SFMBT1: variants seen among roughly 807,000 people sequenced by gnomAD.
SFMBT1 encodes Scm like with four mbt domains 1, also known as scm-like with four MBT domains protein 1.
SFMBT1 carries 32 observed loss-of-function variants against 108.7 expected under a neutral mutation model. The ratio of observed to expected loss-of-function variants is 0.29; its 90% CI spans 0.22 to 0.40. SFMBT1 has a LOEUF of 0.40. Ranked by LOEUF, SFMBT1 falls within the 10% of genes least tolerant of loss-of-function variation. The pLI, the probability that SFMBT1 is intolerant of heterozygous loss-of-function variation, is 1.00. For missense variants in SFMBT1, 816 were observed against 1,059.6 expected (o/e 0.77, Z 3.19); for synonymous variants, 348 against 369.5 (o/e 0.94, Z 0.67).
rs1559514106 is a variant in SFMBT1 at position 52,928,645 on chromosome 3, TATATATATACACATATATAC to T, written c.898-324_898-305del. 211 of 97,364 alleles carry T rather than the reference TATATATATACACATATATAC, an allele frequency of 2.2e-3. 5 individuals are homozygous for T. The highest frequency in any genetic ancestry group is 8.0e-3 in the African/African-American group (182 of 22,716). The allele number at this position is 97,364 out of a possible 1,614,324, so 6.0% of individuals were successfully genotyped here. A position where few individuals can be genotyped will look rare whatever the true frequency, so the allele number is the denominator to read the frequency against. On this transcript the variant is annotated intron_variant, in intron 8 of 20. Transcript: ENST00000394752. ...ATATATACATATATATACATATATA[TATATATATACACATATATAC>T]ATATATACACACACACACATATATA...
At chr3:52,942,599 G>A (rs57161053) in intron 4 of SFMBT1, among the ~76,000 whole-genome samples, 3,463 of 152,238 alleles carry the variant, frequency 0.023, 133 homozygotes, top group African/African-American at 0.076. Context: ...TGCAACGGCC[G>A]CCTCCTGGGT....
chr3:52,945,136 T>TGAAA (rs1553636664), intron 3 of SFMBT1, among the ~76,000 whole-genome samples: 1 of 48,512 alleles, frequency 2.1e-5, no homozygotes, highest in South Asian at 1.3e-3. Context: ...ACCTTCCAAT[T>TGAAA]AAAAAAAAAA....
chr3:53,045,384 G>C (rs898999356), intron 1 of SFMBT1: 29 of 143,310 alleles, frequency 2.0e-4, no homozygotes, highest in Non-Finnish European at 3.1e-4. Context: ...GCGCGCGCGG[G>C]GAGGGGCGCG....
At chr3:52,950,312 C>A (rs1703530570) in intron 3 of SFMBT1, among the ~76,000 whole-genome samples, 1 of 152,156 alleles carries the variant, frequency 6.6e-6, no homozygotes, top group African/African-American at 2.4e-5. Context: ...TACATTTAAA[C>A]TAATCCAAAT....
At chr3:52,913,124 CCAG>C (rs1262742381) in intron 15 of SFMBT1, among the ~76,000 whole-genome samples, 2 of 152,168 alleles carry the variant, frequency 1.3e-5, no homozygotes, top group Non-Finnish European at 2.9e-5. Flanking sequence ...AACAGAAAGC[CCAG>C]CAGATGTGTA....
intron 2 of SFMBT1, among the ~76,000 whole-genome samples, chr3:52,966,437 A>G (rs1416659062): frequency 5.3e-5 from 8 of 151,510 alleles, no homozygotes; most frequent in African/African-American, 1.7e-4. Context: ...CATCCTGGCT[A>G]ACACAGTGAA....
In SFMBT1 at chr3:52,904,395, C is replaced by T. The variant is rs1702016716; in HGVS notation, c.*741G>A. ...CAGTTAAGGAACTGGTGTAAGTGCC[C>T]CATATAATGTTTTTAAGAAAGCAAA... On this transcript the variant is annotated 3_prime_UTR_variant, in exon 21 of 21. Coordinates refer to ENST00000394752, the MANE Select transcript of SFMBT1 (RefSeq NM_016329.4). The T allele has an allele frequency of 6.6e-6, 1 of 151,954 alleles. No homozygotes were observed. The highest frequency in any genetic ancestry group is 2.4e-5 in the African/African-American group (1 of 41,328). The allele number at this position is 151,954 out of a possible 1,614,324, so 9.4% of individuals were successfully genotyped here.
chr3:53,024,750 C>T (rs555883384), intron 1 of SFMBT1, among the ~76,000 whole-genome samples: 68 of 152,190 alleles, frequency 4.5e-4, no homozygotes, highest in African/African-American at 1.6e-3. Flanking sequence ...AGTCAGGGGC[C>T]GGTCCAACAA....
chr3:53,043,405 TAA>T (rs1315995461), intron 1 of SFMBT1, among the ~76,000 whole-genome samples: 3 of 152,234 alleles, frequency 2.0e-5, no homozygotes, highest in South Asian at 2.1e-4. Flanking sequence ...CCTGTATATA[TAA>T]GTCAACTGCT....
At chr3:53,033,331 T>C (rs1185710750) in intron 1 of SFMBT1, among the ~76,000 whole-genome samples, 2 of 152,046 alleles carry the variant, frequency 1.3e-5, no homozygotes, top group Non-Finnish European at 1.5e-5. Flanking sequence ...CAGCTAACTT[T>C]TGTATTTTTA....
intron 3 of SFMBT1, among the ~76,000 whole-genome samples, chr3:52,945,136 T>TAAAAAAAAAAAC (rs1553636665): frequency 0.018 from 877 of 48,498 alleles, 91 homozygotes; most frequent in African/African-American, 0.054. Flanking sequence ...ACCTTCCAAT[T>TAAAAAAAAAAAC]AAAAAAAAAA....
chr3:52,959,924 A>G (rs1377206503), intron 2 of SFMBT1, among the ~76,000 whole-genome samples: 1 of 152,048 alleles, frequency 6.6e-6, no homozygotes, highest in African/African-American at 2.4e-5. Context: ...GAAGACTCTC[A>G]ATAAACTGCT....
chr3:52,932,209 C>G lies in SFMBT1; in HGVS notation c.553G>C (p.Val185Leu), dbSNP rs151197006. The change falls in exon 6 of 21, where the codon GTA (valine) becomes CTA (leucine). Residue 185 changes from valine to leucine, a missense_variant. This residue lies in a region of SFMBT1 where 495 missense variants were observed against 607.4 expected (regional missense o/e 0.81). Coordinates refer to ENST00000394752, the MANE Select transcript of SFMBT1 (RefSeq NM_016329.4). Reference sequence around the variant, plus strand: ...TTCAGCCTTCCTCCAATGTTTTCTACTACAGTAACAATCCAAGTGCTTAAA... The same window carrying G: ...TTCAGCCTTCCTCCAATGTTTTCTAGTACAGTAACAATCCAAGTGCTTAAA... ...DSLSTWIVTV[V>L]ENIGGRLKLR... is the part of the protein sequence containing the mutation. 1.4e-5 allele frequency: 23 copies of G among 1,614,064 alleles called. No homozygotes were observed. The highest frequency in any genetic ancestry group is 8.3e-5 in the Admixed American group (5 of 60,006).
At chr3:53,017,340 A>C (rs1435861574) in intron 1 of SFMBT1, among the ~76,000 whole-genome samples, 1 of 152,240 alleles carries the variant, frequency 6.6e-6, no homozygotes, top group East Asian at 1.9e-4. Context: ...CTCCAGGTCC[A>C]CTAGTATAGT....
At position 53,030,083 on chromosome 3, in the gene SFMBT1, C is replaced by CA. The variant is rs200123372; in HGVS notation, c.-131+15732dup. 0.012 allele frequency among the ~76,000 whole-genome samples: 1,857 copies of CA among 149,476 alleles called. 111 individuals carry two copies. In the South Asian group the frequency reaches 0.17, roughly 14 times the overall value. ...TAGTCTATGGTACTGTTTGCAGCAG[C>CA]AAAAAAAAACCCAAAATATAAATAA... On this transcript the variant is annotated intron_variant, in intron 1 of 20. Coordinates refer to ENST00000394752, the MANE Select transcript of SFMBT1 (RefSeq NM_016329.4).
At chr3:52,932,598 A>G (rs552865079) in intron 5 of SFMBT1, among the ~76,000 whole-genome samples, 63 of 152,352 alleles carry the variant, frequency 4.1e-4, no homozygotes, top group African/African-American at 1.5e-3. Context: ...TTAAAATATC[A>G]TCATTCCTCA....
At chr3:53,001,517 G>C (rs1033602298) in intron 1 of SFMBT1, among the ~76,000 whole-genome samples, 11 of 150,022 alleles carry the variant, frequency 7.3e-5, no homozygotes, top group Admixed American at 2.0e-4. Context: ...AAGCATCTTG[G>C]ATCCAGTAGT....
At chr3:52,930,243 T>C (rs1401869739) in intron 8 of SFMBT1, 86 bp downstream of exon 8, 15 of 818,484 alleles carry the variant, frequency 1.8e-5, no homozygotes, top group Non-Finnish European at 3.2e-5. Flanking sequence ...GTTGGATCAA[T>C]AGAGCTTAAA....
At chr3:53,004,258 C>T (rs116375362) in intron 1 of SFMBT1, among the ~76,000 whole-genome samples, 9 of 88,746 alleles carry the variant, frequency 1.0e-4, no homozygotes, top group African/African-American at 2.4e-4. Flanking sequence ...TCTTCTTTCT[C>T]TCTCTCTCTC....
Sources: gnomAD v4.1 joint callset for allele counts (sites outside exome capture counted in the v4.1 genomes callset) on GRCh38, gnomAD v4.1.1 for gene constraint, gnomAD v4.1.1 regional missense constraint, MANE v1.5 for transcripts, NCBI Gene and HGNC (gene_info 2026-07-23, HGNC 2026-07-21) for gene names.